DCAF10: variants seen among roughly 807,000 people sequenced by gnomAD.
The protein encoded by DCAF10 is DDB1- and CUL4-associated factor 10.
DCAF10 carries 19 observed loss-of-function variants against 51.9 expected under a neutral mutation model. The ratio of observed to expected loss-of-function variants is 0.37; its 90% confidence interval spans 0.26 to 0.54. The LOEUF is 0.54. DCAF10 is among the 20% of genes least tolerant of loss of function. The probability of loss-of-function intolerance (pLI) is 0.87; values close to 1 mark genes in which losing one functional copy is unlikely to be tolerated. For missense variants in DCAF10, 510 were observed against 730.6 expected (o/e 0.70, Z 3.48); for synonymous variants, 291 against 297.1 (o/e 0.98, Z 0.21).
upstream of DCAF10, chr9:37,800,752 G>C: frequency 1.3e-6 from 2 of 1,533,206 alleles, no homozygotes; most frequent in Non-Finnish European, 1.7e-6. Flanking sequence ...GGGGCGGCGC[G>C]GGTTTCCAGC....
At chr9:37,854,091 G>A (rs1830774923) in intron 3 of DCAF10, among the ~76,000 whole-genome samples, 3 of 151,158 alleles carry the variant, frequency 2.0e-5, no homozygotes, top group Non-Finnish European at 4.4e-5. Flanking sequence ...CATTTTTGAA[G>A]TTTCAATTTT....
rs1831048134 is a variant in DCAF10 at position 37,862,670 on chromosome 9, AAAGCAGGACTC to A, written c.*1168_*1178del. The stretch of plus-strand genomic sequence containing the variant: ...GTTTTGTTATGAAACACGCAAGCAT[AAAGCAGGACTC>A]AAGCACAAGGCTGACTGTTCTACTT... On this transcript the variant is annotated 3_prime_UTR_variant, in exon 7 of 7. Transcript: ENST00000377724. 1 of 152,252 alleles carries A rather than the reference AAAGCAGGACTC, an allele frequency of 6.6e-6. No homozygotes were observed. The highest frequency in any genetic ancestry group is 6.5e-5 in the Admixed American group (1 of 15,292). 9.4% of individuals were successfully genotyped at this position (152,252 alleles called of 1,614,324 possible).
chr9:37,852,930 T>TTTTATA (rs1486538659), intron 3 of DCAF10, among the ~76,000 whole-genome samples: 101 of 109,796 alleles, frequency 9.2e-4, no homozygotes, highest in Non-Finnish European at 1.4e-3. Context: ...GTATGTGAGG[T>TTTTATA]TATATATATA....
intron 1 of DCAF10, among the ~76,000 whole-genome samples, chr9:37,810,326 G>A (rs1480157677): frequency 6.6e-6 from 1 of 152,166 alleles, no homozygotes; most frequent in Non-Finnish European, 1.5e-5. Flanking sequence ...TGAAGAAATT[G>A]CAGGGTCAAG....
chr9:37,866,373 A>G lies in DCAF10; in HGVS notation c.*4865A>G, dbSNP rs1831137398. The G allele has an allele frequency of 6.6e-6, 1 of 152,614 alleles. No individual in the cohort carries two copies. Among genetic ancestry groups the G allele is most frequent in the African/African-American group, 2.4e-5 (1 of 41,450 alleles). The allele number at this position is 152,614 out of a possible 1,614,324, so 9.5% of individuals were successfully genotyped here. On this transcript the variant is annotated 3_prime_UTR_variant, in exon 7 of 7. Coordinates refer to ENST00000377724, the MANE Select transcript of DCAF10 (RefSeq NM_024345.5). ...CTCTGATGTATGTAAAACACTTCATAAAATGTAAAGGGCTATAACAAATAT... is the reference window on the plus strand; with the variant it reads ...CTCTGATGTATGTAAAACACTTCATGAAATGTAAAGGGCTATAACAAATAT...
At chr9:37,826,901 C>CCACAACCT (rs1344749988) in intron 2 of DCAF10, among the ~76,000 whole-genome samples, 5 of 149,590 alleles carry the variant, frequency 3.3e-5, no homozygotes, top group Admixed American at 2.7e-4. Context: ...TCTCGGCTCA[C>CCACAACCT]CACAACCTCT....
intron 3 of DCAF10, among the ~76,000 whole-genome samples, chr9:37,844,664 C>T (rs531306695): frequency 8.6e-5 from 13 of 151,778 alleles, no homozygotes; most frequent in South Asian, 6.3e-4. Context: ...ACAATAACAA[C>T]AGCAACAACA....
intron 2 of DCAF10, chr9:37,836,143 G>T: frequency 1.1e-5 from 15 of 1,366,554 alleles, no homozygotes; most frequent in Non-Finnish European, 1.5e-5. Context: ...AAAATAGAGC[G>T]ATTTACTCTT....
chr9:37,836,434 A>G (rs2117991860), intron 2 of DCAF10: 1 of 1,505,946 alleles, frequency 6.6e-7, no homozygotes, highest in South Asian at 1.1e-5. Context: ...TGAATTTGAA[A>G]TGAGGGTGGG....
chr9:37,810,238 A>G (rs1829295645), intron 1 of DCAF10, among the ~76,000 whole-genome samples: 3 of 152,182 alleles, frequency 2.0e-5, no homozygotes, highest in African/African-American at 7.2e-5. Flanking sequence ...TAATCAGAAA[A>G]GCTAGAGAAA....
At chr9:37,858,959 G>A (rs1189104435) in intron 5 of DCAF10, among the ~76,000 whole-genome samples, 1 of 152,160 alleles carries the variant, frequency 6.6e-6, no homozygotes, top group Non-Finnish European at 1.5e-5. Flanking sequence ...ATCTCCTGAG[G>A]AACCCCAAAG....
chr9:37,861,652 C>A lies in DCAF10; in HGVS notation c.*144C>A. 1 of 1,195,736 alleles carries A rather than the reference C, an allele frequency of 8.4e-7. No homozygotes were observed. Among genetic ancestry groups the A allele is most frequent in the Non-Finnish European group, 1.1e-6 (1 of 873,716 alleles). 74.1% of individuals were successfully genotyped at this position (1,195,736 alleles called of 1,614,324 possible). On this transcript the variant is annotated 3_prime_UTR_variant, in exon 7 of 7. Transcript: ENST00000377724. The surrounding 1 kb of genome is among the most constrained non-coding windows in gnomAD (Gnocchi z 4.9). ...ATGGGTCCATGAACACACTTGTGAC[C>A]TTAGTACTTGGTCATCCAGCATCAT... is the stretch of plus-strand genomic sequence containing the variant.
At chr9:37,835,653 G>A (rs1830140289) in intron 2 of DCAF10, among the ~76,000 whole-genome samples, 1 of 151,884 alleles carries the variant, frequency 6.6e-6, no homozygotes, top group Non-Finnish European at 1.5e-5. Flanking sequence ...CAGGAGAATC[G>A]CTTGAACCCG....
At chr9:37,824,748 A>G (rs962842978) in intron 2 of DCAF10, among the ~76,000 whole-genome samples, 6 of 152,136 alleles carry the variant, frequency 3.9e-5, no homozygotes, top group African/African-American at 1.4e-4. Context: ...AATGCCAAAA[A>G]TAAAACCACT....
rs1332173375 is a variant in DCAF10, at chr9:37,863,695, G to A, written c.*2187G>A. On this transcript the variant is annotated 3_prime_UTR_variant, in exon 7 of 7. Transcript: ENST00000377724. The stretch of plus-strand genomic sequence containing the variant: ...CAATAGATTTTAGAAAGGCAGGCAT[G>A]GGAGTAGATGCTGAGAATTCTAGCC... 2.6e-5 allele frequency: 4 copies of A among 152,300 alleles called. No individual in the cohort carries two copies. Among genetic ancestry groups the A allele is most frequent in the East Asian group, 3.9e-4 (2 of 5,186 alleles). The allele number at this position is 152,300 out of a possible 1,614,324, so 9.4% of individuals were successfully genotyped here.
chr9:37,827,175 C>T (rs976472886), intron 2 of DCAF10, among the ~76,000 whole-genome samples: 12 of 151,942 alleles, frequency 7.9e-5, no homozygotes, highest in Non-Finnish European at 1.0e-4. Context: ...CAACTACATG[C>T]GATCAGAACA....
chr9:37,802,025 G>C (rs1828966271), intron 1 of DCAF10, among the ~76,000 whole-genome samples: 1 of 152,092 alleles, frequency 6.6e-6, no homozygotes. Context: ...TTCCAAAATC[G>C]TATCTATTTA....
At chr9:37,851,848 T>TA in intron 3 of DCAF10, among the ~76,000 whole-genome samples, 1 of 147,724 alleles carries the variant, frequency 6.8e-6, no homozygotes, top group East Asian at 1.9e-4. Context: ...TTACCCAGAA[T>TA]ATAATATGAA....
intron 3 of DCAF10, among the ~76,000 whole-genome samples, chr9:37,852,046 A>G (rs1281691985): frequency 6.6e-6 from 1 of 152,092 alleles, no homozygotes; most frequent in Non-Finnish European, 1.5e-5. Context: ...TAAGACTTGG[A>G]AAGTCAAATG....
Sources: gnomAD v4.1 joint callset for allele counts (sites outside exome capture counted in the v4.1 genomes callset) on GRCh38, gnomAD v4.1.1 for gene constraint, Gnocchi (gnomAD v3.1) non-coding constraint, MANE v1.5 for transcripts, NCBI Gene and HGNC (gene_info 2026-07-23, HGNC 2026-07-21) for gene names.